PROCA1: variants seen among roughly 807,000 people sequenced by gnomAD.
PROCA1 encodes the protein protein PROCA1.
In PROCA1, 22 loss-of-function variants were observed where a neutral mutation model predicts 23.2. The observed-to-expected ratio is 0.95, with a 90% CI of 0.68 to 1.35. The LOEUF is 1.35. Ranked by LOEUF, PROCA1 falls within the 40% of genes most tolerant of loss-of-function variation. The pLI, the probability that PROCA1 is intolerant of heterozygous loss-of-function variation, is 0.00. For synonymous variants in PROCA1, 182 were observed against 179.2 expected, an observed-to-expected ratio of 1.02 and a Z score of -0.12; for missense variants, 469 against 459.8, an observed-to-expected ratio of 1.02 and a Z score of -0.18.
chr17:28,711,417 C>T (rs973024333), intron 1 of PROCA1, 153 bp downstream of exon 1: 16 of 648,962 alleles, frequency 2.5e-5, no homozygotes, highest in Non-Finnish European at 3.9e-5. Flanking sequence ...AGCTCCGCCC[C>T]GGCCCTAGCT....
intron 1 of PROCA1, chr17:28,707,463 A>G (rs1029914921): frequency 2.6e-5 from 4 of 152,306 alleles, no homozygotes; most frequent in African/African-American, 9.7e-5. Context: ...AATGAACAAA[A>G]GAATGAATGA....
rs79223253 is a variant in PROCA1, at chr17:28,703,659, C to G, written c.994G>C (p.Glu332Gln). Residue 332 changes from glutamate (E) to glutamine (Q), a missense_variant, in exon 5 of 5, where the codon GAG (glutamate) becomes CAG (glutamine). Glu to Gln is a conservative substitution (Grantham distance 29). Coordinates refer to ENST00000682792, the MANE Select transcript of PROCA1 (RefSeq NM_001366301.1). ...IVESSSPRKRENTVQAKKTGA... is the reference protein window; with the variant it reads ...IVESSSPRKRQNTVQAKKTGA... ...GTCTTTTTGGCCTGGACTGTGTTCT[C>G]TCTCTTCCTGGGCGATGATGATTCC... is the stretch of plus-strand genomic sequence containing the variant. 1.6e-4 allele frequency: 264 copies of G among 1,614,228 alleles called. 1 individual carries two copies. In the African/African-American group the frequency reaches 2.9e-3, roughly 18 times the overall value.
intron 1 of PROCA1, among the ~76,000 whole-genome samples, chr17:28,709,400 C>T (rs1325189235): frequency 2.6e-5 from 4 of 151,910 alleles, no homozygotes; most frequent in South Asian, 4.2e-4. Flanking sequence ...GGACTACAGA[C>T]GCCCACCACC....
At chr17:28,704,677 C>T in intron 3 of PROCA1, 31 bp downstream of exon 3, 1 of 1,612,220 alleles carries the variant, frequency 6.2e-7, no homozygotes, top group Non-Finnish European at 8.5e-7. Flanking sequence ...CCTGGCTCTG[C>T]CATGGGTCCC....
In PROCA1 at chr17:28,703,424, C is replaced by T. The variant is rs1231107903; in HGVS notation, c.*134G>A. 3 of 921,918 alleles carry T rather than the reference C, an allele frequency of 3.3e-6. No homozygotes were observed. Among genetic ancestry groups the T allele is most frequent in the Admixed American group, 2.4e-5 (1 of 41,248 alleles). The allele number at this position is 921,918 out of a possible 1,614,324, so 57.1% of individuals were successfully genotyped here. A position where few individuals can be genotyped will look rare whatever the true frequency, so the allele number is the denominator to read the frequency against. ...GGCTTCCTTTGTGAAAGCTGGATTG[C>T]CTTTGAGAAACCCCTGCAGCCCTGA... On this transcript the variant is annotated 3_prime_UTR_variant, in exon 5 of 5. Coordinates refer to ENST00000682792, the MANE Select transcript of PROCA1 (RefSeq NM_001366301.1).
Position 28,703,257 on chromosome 17 carries a change from G to C in PROCA1, c.*301C>G, listed in dbSNP as rs1028750189. On this transcript the variant is annotated 3_prime_UTR_variant, in exon 5 of 5. Transcript: ENST00000682792. ...GCAGACAGTACTGCCTGTCCCAGAA[G>C]TGGATTTCACACAGACCAGTCTCTC... is the stretch of plus-strand genomic sequence containing the variant. The C allele has an allele frequency of 2.5e-6, 1 of 398,858 alleles. No individual in the cohort carries two copies. Among genetic ancestry groups the C allele is most frequent in the African/African-American group, 2.0e-5 (1 of 49,396 alleles). 24.7% of individuals were successfully genotyped at this position (398,858 alleles called of 1,614,324 possible). A position where few individuals can be genotyped will look rare whatever the true frequency, so the allele number is the denominator to read the frequency against.
rs770664455 is a variant in PROCA1 at position 28,704,850 on chromosome 17, G to C, written c.176-7C>G. The C allele has an allele frequency of 6.2e-7, 1 of 1,611,656 alleles. No homozygotes were observed. The highest frequency in any genetic ancestry group is 8.5e-7 in the Non-Finnish European group (1 of 1,179,622). ...TCAGGCTCCTTGCAGTCACCTGAGGGGGCAGGAGTCTGGGTCATCAGTAGC... is the reference window on the plus strand; with the variant it reads ...TCAGGCTCCTTGCAGTCACCTGAGGCGGCAGGAGTCTGGGTCATCAGTAGC... On this transcript the variant is annotated splice_region_variant and splice_polypyrimidine_tract_variant and intron_variant, in intron 2 of 4. Transcript: ENST00000682792.
chr17:28,703,736 T>C lies in PROCA1; in HGVS notation c.917A>G (p.Glu306Gly). ...CTGCCCCCGGCCATTGTAACTGTCC[T>C]CGCTCTCCAGCTCTTCCCGGCTTTC... ...SPESREELES[E>G]DSYNGRGQGE... is the part of the protein sequence containing the mutation. The change falls in exon 5 of 5, where the codon GAG becomes GGG. Residue 306 changes from glutamate to glycine, a missense_variant. Coordinates refer to ENST00000682792, the MANE Select transcript of PROCA1 (RefSeq NM_001366301.1). 1 of 1,614,146 alleles carries C rather than the reference T, an allele frequency of 6.2e-7. No individual in the cohort carries two copies. Among genetic ancestry groups the C allele is most frequent in the Non-Finnish European group, 8.5e-7 (1 of 1,180,042 alleles).
intron 3 of PROCA1, 23 bp from the exon 4 acceptor site, chr17:28,704,458 C>A: frequency 6.2e-7 from 1 of 1,602,072 alleles, no homozygotes. Context: ...GGACTCTCAG[C>A]CTGGCTCCCA....
At chr17:28,706,846 C>A in intron 1 of PROCA1, 83 bp from the exon 2 acceptor site, 1 of 1,271,386 alleles carries the variant, frequency 7.9e-7, no homozygotes. Context: ...AGAAACTCCA[C>A]ATGTCAGGCC....
intron 1 of PROCA1, chr17:28,707,067 G>C (rs751221578): frequency 9.2e-6 from 3 of 325,356 alleles, no homozygotes; most frequent in African/African-American, 6.5e-5. Context: ...AAGGAGGACT[G>C]GGGACTATGG....
chr17:28,710,055 C>A (rs2032707284), intron 1 of PROCA1, among the ~76,000 whole-genome samples: 1 of 152,196 alleles, frequency 6.6e-6, no homozygotes, highest in Non-Finnish European at 1.5e-5. Context: ...TCAGCTCCAA[C>A]ACTACCAATT....
chr17:28,711,096 G>A, intron 1 of PROCA1: 1 of 1,182,448 alleles, frequency 8.5e-7, no homozygotes, highest in Non-Finnish European at 1.1e-6. Flanking sequence ...ATGCCTCTCT[G>A]GCCTCGCCGC....
At chr17:28,705,457 C>G (rs768218855) in intron 2 of PROCA1, 5 of 153,294 alleles carry the variant, frequency 3.3e-5, no homozygotes, top group Non-Finnish European at 5.8e-5. Context: ...TTTCCCTGCT[C>G]TTCACTCAGC....
intron 1 of PROCA1, chr17:28,707,459 C>T (rs1386195384): frequency 6.6e-6 from 1 of 152,232 alleles, no homozygotes; most frequent in Non-Finnish European, 1.5e-5. Context: ...GTTAAATGAA[C>T]AAAAGAATGA....
Position 28,706,719 on chromosome 17 carries a change from C to A in PROCA1, c.136G>T (p.Gly46Cys). The A allele has an allele frequency of 7.7e-7, 1 of 1,303,834 alleles. No individual in the cohort carries two copies. The highest frequency in any genetic ancestry group is 1.0e-6 in the Non-Finnish European group (1 of 988,866). 80.8% of individuals were successfully genotyped at this position (1,303,834 alleles called of 1,614,324 possible). A position where few individuals can be genotyped will look rare whatever the true frequency, so the allele number is the denominator to read the frequency against. Residue 46 changes from glycine to cysteine, a missense_variant, in exon 2 of 5, where the codon GGT becomes TGT. Physicochemically the swap from Gly to Cys is radical, Grantham distance 159. Transcript: ENST00000682792. Reference protein sequence around the residue: ...PSWERGHLLAGVASSTDVSTF... With the variant: ...PSWERGHLLACVASSTDVSTF... ...GACACATCAGTGCTGGACGCCACACCAGCCAGCAGATGTCCTCTCTCCCAG... is the reference window on the plus strand; with the variant it reads ...GACACATCAGTGCTGGACGCCACACAAGCCAGCAGATGTCCTCTCTCCCAG...
In PROCA1 at chr17:28,704,161, G is replaced by A. The variant is rs1189819447; in HGVS notation, c.492C>T (p.Tyr164=). The A allele has an allele frequency of 1.3e-6, 2 of 1,546,448 alleles. No homozygotes were observed. Among genetic ancestry groups the A allele is most frequent in the East Asian group, 4.5e-5 (2 of 44,482 alleles). The change falls in exon 5 of 5, where the codon TAC becomes TAT. Residue 164 remains tyrosine (Y), a synonymous_variant. Coordinates refer to ENST00000682792, the MANE Select transcript of PROCA1 (RefSeq NM_001366301.1). The stretch of plus-strand genomic sequence containing the variant: ...TTAGATCATCTGCCCCACACTCATG[G>A]TAGAGTGGATGGTGGATCACTGCCA... ...VSVAVIHHPL[Y]HECGADDLNE...
chr17:28,708,806 G>T (rs943124583), intron 1 of PROCA1, among the ~76,000 whole-genome samples: 48 of 151,780 alleles, frequency 3.2e-4, no homozygotes, highest in Admixed American at 7.2e-4. Context: ...GACCAGCCTG[G>T]GCAACATGGC....
intron 1 of PROCA1, chr17:28,707,176 G>C (rs1315604865): frequency 4.5e-6 from 1 of 220,126 alleles, no homozygotes; most frequent in Non-Finnish European, 9.5e-6. Context: ...CCCAGGGTGT[G>C]TGGAGCCTGG....
Sources: allele counts gnomAD v4.1 joint callset (sites outside exome capture counted in the v4.1 genomes callset), GRCh38; gene constraint gnomAD v4.1.1; transcripts MANE v1.5; gene names NCBI Gene and HGNC (gene_info 2026-07-23, HGNC 2026-07-21).